ROBO2: variants seen among roughly 807,000 people sequenced by gnomAD.
The protein encoded by ROBO2 is roundabout homolog 2.
Under a neutral mutation model 160.8 loss-of-function variants are expected in ROBO2, and 53 were observed. The observed-to-expected ratio is 0.33, with a 90% confidence interval of 0.26 to 0.41. The LOEUF (loss-of-function observed/expected upper bound fraction) is 0.41, where lower values mean the gene tolerates loss of function less well. Ranked by LOEUF, ROBO2 falls within the 10% of genes least tolerant of loss-of-function variation. The pLI is 1.00. For missense variants in ROBO2, 1,577 were observed against 1,722.4 expected, an observed-to-expected ratio of 0.92 and a Z score of 1.49; for synonymous variants, 664 against 611.7, an observed-to-expected ratio of 1.09 and a Z score of -1.26.
chr3:76,493,060 A>C (rs563096336), intron 2 of ROBO2, among the ~76,000 whole-genome samples: 2 of 152,154 alleles, frequency 1.3e-5, no homozygotes, highest in East Asian at 3.9e-4. Context: ...GAAAAAGGCA[A>C]TGAAATAGAA....
At chr3:77,079,431 G>T (rs764726964) in intron 1 of ROBO2, among the ~76,000 whole-genome samples, 12 of 151,982 alleles carry the variant, frequency 7.9e-5, no homozygotes, top group Non-Finnish European at 1.5e-4. Flanking sequence ...TAACAACAAA[G>T]GTCTTCCTGA....
At chr3:77,392,087 C>T (rs1430366664) in intron 2 of ROBO2, among the ~76,000 whole-genome samples, 1 of 152,104 alleles carries the variant, frequency 6.6e-6, no homozygotes, top group Admixed American at 6.5e-5. Context: ...TGAAGGCTGG[C>T]ATTTTAGTTT....
At chr3:77,480,012 G>C (rs2084492202) in intron 3 of ROBO2, among the ~76,000 whole-genome samples, 1 of 152,040 alleles carries the variant, frequency 6.6e-6, no homozygotes, top group African/African-American at 2.4e-5. Flanking sequence ...AGCTTCAAGG[G>C]GAAGGAGAAA....
chr3:76,988,657 AC>A (rs2060511130), intron 2 of ROBO2, among the ~76,000 whole-genome samples: 1 of 151,994 alleles, frequency 6.6e-6, no homozygotes, highest in South Asian at 2.1e-4. Flanking sequence ...TGTTGGCCTG[AC>A]TTTTAATACC....
intron 2 of ROBO2, among the ~76,000 whole-genome samples, chr3:76,545,850 T>C (rs1334129519): frequency 6.6e-6 from 1 of 151,902 alleles, no homozygotes; most frequent in Non-Finnish European, 1.5e-5. Context: ...CACATATACT[T>C]AGTTATTTTC....
intron 2 of ROBO2, among the ~76,000 whole-genome samples, chr3:77,177,861 A>G (rs1233875061): frequency 6.6e-6 from 1 of 152,024 alleles, no homozygotes; most frequent in South Asian, 2.1e-4. Context: ...TCTCTCTTCC[A>G]TTTATAATTA....
chr3:77,402,127 C>A (rs1298631342), intron 2 of ROBO2, among the ~76,000 whole-genome samples: 1 of 152,042 alleles, frequency 6.6e-6, no homozygotes, highest in Non-Finnish European at 1.5e-5. Flanking sequence ...ATGTCCTTTG[C>A]AGGGATATGG....
At chr3:76,869,392 CA>C (rs2071760408) in intron 2 of ROBO2, among the ~76,000 whole-genome samples, 1 of 142,352 alleles carries the variant, frequency 7.0e-6, no homozygotes, top group Admixed American at 7.1e-5. Flanking sequence ...CTCTGTCGCC[CA>C]GGCTGGAGTG....
chr3:77,600,968 C>T (rs1229095677), intron 19 of ROBO2, among the ~76,000 whole-genome samples: 2 of 152,098 alleles, frequency 1.3e-5, no homozygotes, highest in Admixed American at 6.6e-5. Flanking sequence ...ACTTCAATAT[C>T]TTAAGTACAT....
At chr3:77,033,164 A>C (rs1301157041) in intron 2 of ROBO2, among the ~76,000 whole-genome samples, 1 of 152,222 alleles carries the variant, frequency 6.6e-6, no homozygotes, top group Non-Finnish European at 1.5e-5. Context: ...ATGAGAATGC[A>C]GATAGGTACT....
chr3:77,323,182 A>G (rs1240840124), intron 2 of ROBO2, among the ~76,000 whole-genome samples: 1 of 150,564 alleles, frequency 6.6e-6, no homozygotes, highest in South Asian at 2.1e-4. Flanking sequence ...GACTCCCTCC[A>G]TGTCCATAAA....
intron 2 of ROBO2, chr3:76,434,619 CA>C: frequency 6.7e-7 from 1 of 1,481,624 alleles, no homozygotes; most frequent in Non-Finnish European, 9.4e-7. Flanking sequence ...CTGCCTGGAG[CA>C]AAACGGGGCT....
intron 2 of ROBO2, among the ~76,000 whole-genome samples, chr3:76,969,475 T>G (rs1413582304): frequency 6.6e-6 from 1 of 152,172 alleles, no homozygotes; most frequent in African/African-American, 2.4e-5. Flanking sequence ...TGATGTACTC[T>G]GTCTGTAAGT....
intron 2 of ROBO2, among the ~76,000 whole-genome samples, chr3:76,624,060 C>A (rs1166918655): frequency 6.6e-6 from 1 of 151,624 alleles, no homozygotes; most frequent in Non-Finnish European, 1.5e-5. Context: ...TTTCCTTTCT[C>A]CATTAAAAAA....
At chr3:77,035,413 G>A (rs763649473), upstream of ROBO2, among the ~76,000 whole-genome samples, 5 of 151,848 alleles carry the variant, frequency 3.3e-5, no homozygotes, top group South Asian at 2.1e-4. Flanking sequence ...AAGTATCACC[G>A]AACTCTTCGA....
intron 2 of ROBO2, among the ~76,000 whole-genome samples, chr3:76,514,867 T>C (rs1432141113): frequency 6.6e-6 from 1 of 152,218 alleles, no homozygotes; most frequent in Admixed American, 6.5e-5. Flanking sequence ...CCATTTTTTC[T>C]TCTTTCCATA....
chr3:76,338,359 T>G (rs1319335900), intron 2 of ROBO2, among the ~76,000 whole-genome samples: 1 of 152,150 alleles, frequency 6.6e-6, no homozygotes, highest in African/African-American at 2.4e-5. Context: ...GTGATCACAC[T>G]TACTTTGGTT....
chr3:76,188,246 A>C (rs1701851909), intron 2 of ROBO2, among the ~76,000 whole-genome samples: 1 of 152,116 alleles, frequency 6.6e-6, no homozygotes, highest in Non-Finnish European at 1.5e-5. Flanking sequence ...TGTAGATATA[A>C]TTAAGCTAAA....
chr3:77,164,398 G>GC (rs1228000636), intron 2 of ROBO2, among the ~76,000 whole-genome samples: 2 of 93,610 alleles, frequency 2.1e-5, no homozygotes, highest in African/African-American at 5.9e-5. Flanking sequence ...TGGGGGGTCA[G>GC]CCCCCCGCCC....
Sources: gnomAD v4.1 joint callset for allele counts (sites outside exome capture counted in the v4.1 genomes callset) on GRCh38, gnomAD v4.1.1 for gene constraint, MANE v1.5 for transcripts, NCBI Gene and HGNC (gene_info 2026-07-23, HGNC 2026-07-21) for gene names.